PPP2R2B: variants seen among roughly 807,000 people sequenced by gnomAD.
The protein encoded by PPP2R2B is serine/threonine-protein phosphatase 2A 55 kDa regulatory subunit B beta isoform.
In PPP2R2B, 5 loss-of-function variants were observed where a neutral mutation model predicts 46.0. The observed-to-expected ratio is 0.11, with a 90% confidence interval of 0.06 to 0.23. PPP2R2B has a LOEUF of 0.23. Among genes scored for constraint, PPP2R2B ranks in the 10% least tolerant of loss-of-function variants. The probability of loss-of-function intolerance (pLI) is 1.00; values close to 1 mark genes in which losing one functional copy is unlikely to be tolerated. For synonymous variants in PPP2R2B, 215 were observed against 206.7 expected, an observed-to-expected ratio of 1.04 and a Z score of -0.34; for missense variants, 367 against 575.0, an observed-to-expected ratio of 0.64 and a Z score of 3.70.
At chr5:146,921,835 A>G (rs1450606135) in intron 1 of PPP2R2B, among the ~76,000 whole-genome samples, 4 of 152,214 alleles carry the variant, frequency 2.6e-5, no homozygotes, top group Non-Finnish European at 5.9e-5. Context: ...TATAACAACA[A>G]GTACTACTAC....
rs1770181018 is a variant in PPP2R2B, at chr5:146,586,691, T to C, written c.*3256A>G. The C allele has an allele frequency of 6.6e-6, 1 of 152,162 alleles. No individual in the cohort carries two copies. The highest frequency in any genetic ancestry group is 1.5e-5 in the Non-Finnish European group (1 of 68,028). The allele number at this position is 152,162 out of a possible 1,614,324, so 9.4% of individuals were successfully genotyped here. ...ATAGAAGTTGATTTGGTTGAATTAA[T>C]TACAAGATCAATGAGAGGTTTAAAG... On this transcript the variant is annotated 3_prime_UTR_variant, in exon 10 of 10. Coordinates refer to ENST00000394411, the MANE Select transcript of PPP2R2B (RefSeq NM_181675.4).
chr5:146,872,880 C>T (rs886716893), intron 2 of PPP2R2B, among the ~76,000 whole-genome samples: 2 of 152,226 alleles, frequency 1.3e-5, no homozygotes, highest in Admixed American at 1.3e-4. Context: ...TGTACTTTCT[C>T]ACTCATTGGT....
intron 2 of PPP2R2B, among the ~76,000 whole-genome samples, chr5:147,077,018 CATCTT>C (rs1246644290): frequency 7.4e-6 from 1 of 135,786 alleles, no homozygotes; most frequent in Non-Finnish European, 1.5e-5. Context: ...GCAATTTGAA[CATCTT>C]ATAACAATCT....
At chr5:146,761,993 T>A (rs1213490829) in intron 2 of PPP2R2B, among the ~76,000 whole-genome samples, 2 of 152,148 alleles carry the variant, frequency 1.3e-5, no homozygotes. Flanking sequence ...AAGCACTACA[T>A]TTCCAATCTG....
intron 1 of PPP2R2B, among the ~76,000 whole-genome samples, chr5:147,044,302 G>T (rs995024265): frequency 1.3e-5 from 2 of 152,168 alleles, no homozygotes; most frequent in Non-Finnish European, 1.5e-5. Flanking sequence ...GAATGGCCAG[G>T]TTTGAGAGGG....
chr5:146,653,508 C>G (rs1247624878), intron 5 of PPP2R2B, among the ~76,000 whole-genome samples: 4 of 152,166 alleles, frequency 2.6e-5, no homozygotes, highest in Non-Finnish European at 4.4e-5. Context: ...CCTCTGCCGT[C>G]AAGAGGTACC....
In PPP2R2B at chr5:146,948,159, A is replaced by C. The variant is rs140636247; in HGVS notation, c.79+107506T>G. 5.5e-3 allele frequency among the ~76,000 whole-genome samples: 844 copies of C among 152,152 alleles called. 2 individuals carry two copies. Among genetic ancestry groups the C allele is most frequent in the Middle Eastern group, 0.017 (5 of 292 alleles). ...CTTTTTGAGACTGTCTGTCTCTCCC[A>C]TGAGGCTTTAAGACTGGGGACTATG... On this transcript the variant is annotated intron_variant, in intron 1 of 8. Coordinates refer to the PPP2R2B transcript ENST00000336640.
At chr5:146,647,582 T>G (rs1775671458) in intron 6 of PPP2R2B, among the ~76,000 whole-genome samples, 1 of 152,232 alleles carries the variant, frequency 6.6e-6, no homozygotes, top group Admixed American at 6.5e-5. Context: ...TCTGGCAGTC[T>G]GTCACACATC....
chr5:146,811,249 C>T (rs115244804), intron 2 of PPP2R2B, among the ~76,000 whole-genome samples: 4,025 of 152,238 alleles, frequency 0.026, 52 homozygotes, highest in Middle Eastern at 0.044. Flanking sequence ...CTGTCCACCT[C>T]GGCCTCTGAA....
intron 1 of PPP2R2B, among the ~76,000 whole-genome samples, chr5:146,977,839 C>T (rs540443374): frequency 3.3e-5 from 5 of 152,192 alleles, no homozygotes; most frequent in East Asian, 3.9e-4. Context: ...TAAACATACA[C>T]GTACATGTGT....
intron 1 of PPP2R2B, among the ~76,000 whole-genome samples, chr5:146,885,563 G>T (rs956236828): frequency 6.6e-6 from 1 of 152,320 alleles, no homozygotes; most frequent in African/African-American, 2.4e-5. Flanking sequence ...TAGTTTGCCA[G>T]TTCTTCAAAA....
chr5:146,647,646 A>G (rs888847366), intron 6 of PPP2R2B, among the ~76,000 whole-genome samples: 3 of 152,136 alleles, frequency 2.0e-5, no homozygotes, highest in African/African-American at 7.2e-5. Context: ...CATTCTCCCC[A>G]AGGCATCTGT....
intron 2 of PPP2R2B, among the ~76,000 whole-genome samples, chr5:146,837,942 G>A (rs919080864): frequency 6.6e-6 from 1 of 152,080 alleles, no homozygotes; most frequent in African/African-American, 2.4e-5. Flanking sequence ...GAGTTCCGGG[G>A]CATGTTTGTT....
chr5:146,970,563 A>G (rs1431417875), intron 1 of PPP2R2B, among the ~76,000 whole-genome samples: 1 of 151,816 alleles, frequency 6.6e-6, no homozygotes, highest in Non-Finnish European at 1.5e-5. Flanking sequence ...ATGTCACTGC[A>G]CTCCAGTCTA....
At chr5:146,735,382 C>T (rs912074141) in intron 2 of PPP2R2B, among the ~76,000 whole-genome samples, 3 of 151,948 alleles carry the variant, frequency 2.0e-5, no homozygotes, top group African/African-American at 7.3e-5. Flanking sequence ...GACAGAGAAC[C>T]CTGAGGGGAT....
chr5:146,943,699 C>T (rs970011228), intron 1 of PPP2R2B, among the ~76,000 whole-genome samples: 10 of 151,796 alleles, frequency 6.6e-5, no homozygotes, highest in Non-Finnish European at 1.5e-4. Context: ...AGCAGAAAGG[C>T]ATAAGCTCAG....
chr5:146,620,494 G>A (rs1301004141), intron 7 of PPP2R2B, among the ~76,000 whole-genome samples: 3 of 152,172 alleles, frequency 2.0e-5, no homozygotes, highest in East Asian at 3.9e-4. Context: ...CTCGACAGGA[G>A]CCTAATGAAG....
intron 1 of PPP2R2B, among the ~76,000 whole-genome samples, chr5:147,017,889 C>T (rs1755077326): frequency 1.3e-5 from 2 of 152,052 alleles, no homozygotes; most frequent in South Asian, 4.1e-4. Context: ...AATTAAGGAT[C>T]TTCAAGCTGG....
intron 1 of PPP2R2B, among the ~76,000 whole-genome samples, chr5:146,916,860 T>C (rs1349344826): frequency 6.6e-6 from 1 of 152,218 alleles, no homozygotes; most frequent in Non-Finnish European, 1.5e-5. Flanking sequence ...TGGCAGCCAC[T>C]GATATAGCTC....
Sources: allele counts gnomAD v4.1 joint callset (sites outside exome capture counted in the v4.1 genomes callset), GRCh38; gene constraint gnomAD v4.1.1; transcripts MANE v1.5; gene names NCBI Gene and HGNC (gene_info 2026-07-23, HGNC 2026-07-21).